The following GIPC3 variants were observed in gnomAD, a reference collection of about 807,000 sequenced individuals.
GIPC3 encodes GIPC PDZ domain containing family member 3.
A neutral mutation model predicts 27.3 loss-of-function variants in GIPC3; 16 were observed. The ratio of observed to expected loss-of-function variants is 0.59; its 90% CI spans 0.40 to 0.89. The LOEUF (loss-of-function observed/expected upper bound fraction) is 0.89, where lower values mean the gene tolerates loss of function less well. Among genes scored for constraint, GIPC3 ranks in the 40% least tolerant of loss-of-function variants. GIPC3 has a pLI of 0.00. For synonymous variants in GIPC3, 194 were observed against 184.6 expected (o/e 1.05, Z -0.41); for missense variants, 440 against 442.1 (o/e 1.00, Z 0.04).
chr19:3,591,425 G>C lies in GIPC3; in HGVS notation c.*1235G>C, dbSNP rs1385486151. The C allele has an allele frequency of 2.4e-6, 3 of 1,232,182 alleles. No individual in the cohort carries two copies. In the African/African-American group the frequency reaches 4.7e-5, roughly 19 times the overall value. 76.3% of individuals were successfully genotyped at this position (1,232,182 alleles called of 1,614,324 possible). A position where few individuals can be genotyped will look rare whatever the true frequency, so the allele number is the denominator to read the frequency against. ...CTAGCTCGGAGACCAAGCCCTGCTG[G>C]AAAACTCAAGCTGACTCTGGAACTC... On this transcript the variant is annotated 3_prime_UTR_variant, in exon 6 of 6. Transcript: ENST00000644452.
intron 3 of GIPC3, among the ~76,000 whole-genome samples, chr19:3,589,139 AG>A (rs1330463793): frequency 4.6e-5 from 7 of 152,074 alleles, no homozygotes; most frequent in Non-Finnish European, 8.8e-5. Context: ...TCCTACCACA[AG>A]GAGGGTCCCA....
At position 3,593,538 on chromosome 19, in the gene GIPC3, T is replaced by G; in HGVS notation, c.*3348T>G. 1 of 379,850 alleles carries G rather than the reference T, an allele frequency of 2.6e-6. No homozygotes were observed. Among genetic ancestry groups the G allele is most frequent in the African/African-American group, 2.1e-5 (1 of 48,338 alleles). The allele number at this position is 379,850 out of a possible 1,614,324, so 23.5% of individuals were successfully genotyped here. On this transcript the variant is annotated 3_prime_UTR_variant, in exon 6 of 6. Coordinates refer to ENST00000644452, the MANE Select transcript of GIPC3 (RefSeq NM_133261.3). The stretch of plus-strand genomic sequence containing the variant: ...GGTGAATAAAGGCACCTTCCATCTC[T>G]GCAGCCTGGTGTGTCATTTTGGGGG...
chr19:3,590,464 C>G lies in GIPC3; in HGVS notation c.*274C>G. The G allele has an allele frequency of 7.0e-7, 1 of 1,422,500 alleles. No individual in the cohort carries two copies. Among genetic ancestry groups the G allele is most frequent in the Admixed American group, 3.0e-5 (1 of 33,716 alleles). 88.1% of individuals were successfully genotyped at this position (1,422,500 alleles called of 1,614,324 possible). ...ACTCAGGCCAGCCCTGAGACCAAGCCCAGCTCTAGAACTCAGATGAGCTTT... is the reference window on the plus strand; with the variant it reads ...ACTCAGGCCAGCCCTGAGACCAAGCGCAGCTCTAGAACTCAGATGAGCTTT... On this transcript the variant is annotated 3_prime_UTR_variant, in exon 6 of 6. Transcript: ENST00000644452.
chr19:3,589,487 G>T lies in GIPC3; in HGVS notation c.637G>T (p.Ala213Ser). 6.2e-7 allele frequency: 1 copy of T among 1,614,034 alleles called. No individual in the cohort carries two copies. Among genetic ancestry groups the T allele is most frequent in the Non-Finnish European group, 8.5e-7 (1 of 1,180,012 alleles). ...RSRSSKCPVE[A>S]KVTSGRETLR... is the part of the protein sequence containing the mutation. ...TCGGTCCAGCAAATGTCCAGTAGAG[G>T]CGAAAGTGACCAGCGGGAGGGAGAC... Residue 213 changes from alanine (A) to serine (S), a missense_variant, in exon 4 of 6, where the codon GCG becomes TCG. Transcript: ENST00000644452.
In GIPC3 at chr19:3,585,948, C is replaced by T. The variant is rs77070566; in HGVS notation, c.225+126C>T. 23,901 of 1,435,434 alleles carry T rather than the reference C, an allele frequency of 0.017. 598 individuals carry two copies. The highest frequency in any genetic ancestry group is 0.11 in the African/African-American group (7,608 of 68,716). 88.9% of individuals were successfully genotyped at this position (1,435,434 alleles called of 1,614,324 possible). A position where few individuals can be genotyped will look rare whatever the true frequency, so the allele number is the denominator to read the frequency against. On this transcript the variant is annotated intron_variant, in intron 1 of 5. Transcript: ENST00000644452. ...GACGTCGGGGTGGCCGCCTAATCGCCGGATCTCAGAGACCCAGCCCTCAGA... is the reference window on the plus strand; with the variant it reads ...GACGTCGGGGTGGCCGCCTAATCGCTGGATCTCAGAGACCCAGCCCTCAGA...
In GIPC3 at chr19:3,586,635, G is replaced by A. The variant is rs769965796; in HGVS notation, c.366G>A (p.Leu122=). 1 of 1,613,448 alleles carries A rather than the reference G, an allele frequency of 6.2e-7. No individual in the cohort carries two copies. Among genetic ancestry groups the A allele is most frequent in the East Asian group, 2.2e-5 (1 of 44,860 alleles). ...AGGTCACTAAGACAGAGGATGCTCT[G>A]GGGCTGACCATCACGGACAACGGGG... The part of the protein sequence containing the change: ...EVEVTKTEDA[L]GLTITDNGAG... The change falls in exon 2 of 6, where the codon CTG becomes CTA. Residue 122 remains leucine (L), a synonymous_variant. Transcript: ENST00000644452.
At position 3,591,058 on chromosome 19, in the gene GIPC3, C is replaced by T. The variant is rs1403425071; in HGVS notation, c.*868C>T. Reference sequence around the variant, plus strand: ...ACCAAGCCCAGCATAGAGACCAAGCCGTGTTCTAGAATTCAGGCCACATCT... The same window carrying T: ...ACCAAGCCCAGCATAGAGACCAAGCTGTGTTCTAGAATTCAGGCCACATCT... On this transcript the variant is annotated 3_prime_UTR_variant, in exon 6 of 6. Transcript: ENST00000644452. The T allele has an allele frequency of 2.3e-5, 28 of 1,233,214 alleles. No homozygotes were observed. The highest frequency in any genetic ancestry group is 4.1e-5 in the South Asian group (1 of 24,484). 76.4% of individuals were successfully genotyped at this position (1,233,214 alleles called of 1,614,324 possible).
In GIPC3 at chr19:3,585,586, AC is replaced by A; in HGVS notation, c.-11del. The stretch of plus-strand genomic sequence containing the variant: ...GGCGAGGGCCCGGGTGGGTGGCCGA[AC>A]TTCTCCCGCCATGGAGGGAGCAGCG... On this transcript the variant is annotated 5_prime_UTR_variant, in exon 1 of 6. Coordinates refer to ENST00000644452, the MANE Select transcript of GIPC3 (RefSeq NM_133261.3). The A allele has an allele frequency of 8.7e-7, 1 of 1,147,564 alleles. No homozygotes were observed. Among genetic ancestry groups the A allele is most frequent in the Non-Finnish European group, 1.1e-6 (1 of 934,460 alleles). The allele number at this position is 1,147,564 out of a possible 1,614,324, so 71.1% of individuals were successfully genotyped here. A position where few individuals can be genotyped will look rare whatever the true frequency, so the allele number is the denominator to read the frequency against.
In GIPC3 at chr19:3,586,835, A is replaced by T. The variant is rs778018411; in HGVS notation, c.433A>T (p.Ile145Phe). 3 of 1,613,684 alleles carry T rather than the reference A, an allele frequency of 1.9e-6. No homozygotes were observed. Among genetic ancestry groups the T allele is most frequent in the Non-Finnish European group, 2.5e-6 (3 of 1,180,004 alleles). Residue 145 changes from isoleucine to phenylalanine, a missense_variant, in exon 3 of 6, where the codon ATC becomes TTC. Ile to Phe is a conservative substitution (Grantham distance 21). Coordinates refer to ENST00000644452, the MANE Select transcript of GIPC3 (RefSeq NM_133261.3). ...GCAGAGAATCAAGGAAGGCAGTATC[A>T]TCAACCGGATCGAGGCAGTGTGCGT... ...FIKRIKEGSIINRIEAVCVGD... is the reference protein window; with the variant it reads ...FIKRIKEGSIFNRIEAVCVGD...
chr19:3,591,287 G>A lies in GIPC3; in HGVS notation c.*1097G>A, dbSNP rs541767012. Reference sequence around the variant, plus strand: ...CTGAAGCCCAGGCCAGCTCTGAGACGAAGCACATCTCTAGAATCCAGCTGA... The same window carrying A: ...CTGAAGCCCAGGCCAGCTCTGAGACAAAGCACATCTCTAGAATCCAGCTGA... On this transcript the variant is annotated 3_prime_UTR_variant, in exon 6 of 6. Transcript: ENST00000644452. The A allele has an allele frequency of 5.2e-3, 6,396 of 1,232,070 alleles. 14 individuals are homozygous for A. The highest frequency in any genetic ancestry group is 6.1e-3 in the Non-Finnish European group (6,024 of 988,178). 76.3% of individuals were successfully genotyped at this position (1,232,070 alleles called of 1,614,324 possible).
At chr19:3,589,679 C>T in intron 4 of GIPC3, 124 bp downstream of exon 4, 1 of 1,111,822 alleles carries the variant, frequency 9.0e-7, no homozygotes, top group Non-Finnish European at 1.3e-6. Flanking sequence ...AATGGGTCCT[C>T]ATTGAAAAGT....
In GIPC3 at chr19:3,593,036, C is replaced by G; in HGVS notation, c.*2846C>G. 8.1e-7 allele frequency: 1 copy of G among 1,229,866 alleles called. No homozygotes were observed. The highest frequency in any genetic ancestry group is 1.0e-6 in the Non-Finnish European group (1 of 986,924). 76.2% of individuals were successfully genotyped at this position (1,229,866 alleles called of 1,614,324 possible). On this transcript the variant is annotated 3_prime_UTR_variant, in exon 6 of 6. Coordinates refer to ENST00000644452, the MANE Select transcript of GIPC3 (RefSeq NM_133261.3). Reference sequence around the variant, plus strand: ...GCATCCAGGCCAGCCTTGGCCCCATCCCAGGCTTACCCCAAGCCTCCTACC... The same window carrying G: ...GCATCCAGGCCAGCCTTGGCCCCATGCCAGGCTTACCCCAAGCCTCCTACC...
chr19:3,586,712 TG>T, intron 2 of GIPC3, 32 bp downstream of exon 2: 1 of 1,608,988 alleles, frequency 6.2e-7, no homozygotes, highest in Non-Finnish European at 8.5e-7. Flanking sequence ...GGTGGCTTCC[TG>T]GGGTCCAGCA....
At chr19:3,587,268 G>A (rs1368238845) in intron 3 of GIPC3, among the ~76,000 whole-genome samples, 3 of 129,024 alleles carry the variant, frequency 2.3e-5, no homozygotes, top group Admixed American at 1.4e-4. Flanking sequence ...TGGGAGACTT[G>A]TTTTTGTTTG....
chr19:3,589,289 C>A (rs962293296), intron 3 of GIPC3, among the ~76,000 whole-genome samples, 154 bp from the exon 4 acceptor site: 6 of 152,252 alleles, frequency 3.9e-5, no homozygotes, highest in Admixed American at 1.3e-4. Context: ...AGTGTGGAAT[C>A]TCGAATAGGT....
rs1473419599 is a variant in GIPC3, at chr19:3,585,801, C to G, written c.204C>G (p.Ala68=). 6.5e-7 allele frequency: 1 copy of G among 1,546,964 alleles called. No homozygotes were observed. Among genetic ancestry groups the G allele is most frequent in the East Asian group, 2.5e-5 (1 of 40,720 alleles). ...AGCTGTACGCCAAGATCGCCGAAGC[C>G]TTCGGGATCGCGCCCACCGAGGTAA... ...VRELYAKIAE[A]FGIAPTEILF... The change falls in exon 1 of 6, where the codon GCC becomes GCG. Residue 68 remains alanine (A), a synonymous_variant. Transcript: ENST00000644452.
chr19:3,593,477 G>C lies in GIPC3; in HGVS notation c.*3287G>C, dbSNP rs1463397668. ...GTCCTTGGAGGGAAAAGGAGGGCAGGAGACGGGTTGCACCGCATGTACCCT... is the reference window on the plus strand; with the variant it reads ...GTCCTTGGAGGGAAAAGGAGGGCAGCAGACGGGTTGCACCGCATGTACCCT... On this transcript the variant is annotated 3_prime_UTR_variant, in exon 6 of 6. Transcript: ENST00000644452. 1 of 450,106 alleles carries C rather than the reference G, an allele frequency of 2.2e-6. No homozygotes were observed. The highest frequency in any genetic ancestry group is 3.6e-6 in the Non-Finnish European group (1 of 274,198). 27.9% of individuals were successfully genotyped at this position (450,106 alleles called of 1,614,324 possible). A position where few individuals can be genotyped will look rare whatever the true frequency, so the allele number is the denominator to read the frequency against.
chr19:3,585,787 A>G lies in GIPC3; in HGVS notation c.190A>G (p.Lys64Glu). Residue 64 changes from lysine (K) to glutamate (E), a missense_variant, in exon 1 of 6, where the codon AAG (lysine) becomes GAG (glutamate). Coordinates refer to ENST00000644452, the MANE Select transcript of GIPC3 (RefSeq NM_133261.3). ...GFTNVRELYAKIAEAFGIAPT... is the reference protein window; with the variant it reads ...GFTNVRELYAEIAEAFGIAPT... ...CACCAACGTCCGCGAGCTGTACGCC[A>G]AGATCGCCGAAGCCTTCGGGATCGC... 3 of 1,547,906 alleles carry G rather than the reference A, an allele frequency of 1.9e-6. No homozygotes were observed. Among genetic ancestry groups the G allele is most frequent in the Non-Finnish European group, 2.6e-6 (3 of 1,146,448 alleles).
chr19:3,592,671 G>A lies in GIPC3; in HGVS notation c.*2481G>A. 1 of 1,231,918 alleles carries A rather than the reference G, an allele frequency of 8.1e-7. No individual in the cohort carries two copies. The highest frequency in any genetic ancestry group is 3.1e-4 in the Middle Eastern group (1 of 3,208). 76.3% of individuals were successfully genotyped at this position (1,231,918 alleles called of 1,614,324 possible). A position where few individuals can be genotyped will look rare whatever the true frequency, so the allele number is the denominator to read the frequency against. On this transcript the variant is annotated 3_prime_UTR_variant, in exon 6 of 6. Transcript: ENST00000644452. ...CTCAAGAATTCAGCCCGACTCTGGAGCCCAACTTAGTTCCAGAACCCAGTC... is the reference window on the plus strand; with the variant it reads ...CTCAAGAATTCAGCCCGACTCTGGAACCCAACTTAGTTCCAGAACCCAGTC...
Sources: gnomAD v4.1 joint callset for allele counts (sites outside exome capture counted in the v4.1 genomes callset) on GRCh38, gnomAD v4.1.1 for gene constraint, MANE v1.5 for transcripts, NCBI Gene and HGNC (gene_info 2026-07-23, HGNC 2026-07-21) for gene names.